ZNF804A: variants seen among roughly 807,000 people sequenced by gnomAD.
ZNF804A encodes zinc finger protein 804A.
A neutral mutation model predicts 16.5 loss-of-function variants in ZNF804A; 2 were observed. The observed-to-expected ratio is 0.12, with a 90% confidence interval of 0.05 to 0.38. The LOEUF is 0.38. ZNF804A is among the 10% of genes least tolerant of loss of function. The pLI is 0.99. For synonymous variants in ZNF804A, 534 were observed against 489.6 expected (o/e 1.09, Z -1.20); for missense variants, 1,473 against 1,390.7 (o/e 1.06, Z -0.94).
chr2:184,691,514 T>C (rs1239151191), intron 1 of ZNF804A, among the ~76,000 whole-genome samples: 1 of 151,690 alleles, frequency 6.6e-6, no homozygotes, highest in Non-Finnish European at 1.5e-5. Context: ...GACAAACTAG[T>C]TTACAAAAGT....
intron 1 of ZNF804A, among the ~76,000 whole-genome samples, chr2:184,864,835 T>C (rs1193959938): frequency 6.6e-6 from 1 of 151,918 alleles, no homozygotes; most frequent in Non-Finnish European, 1.5e-5. Context: ...TAAAAGTGTG[T>C]TTTATAATAG....
At chr2:184,884,422 A>G (rs1359469478) in intron 2 of ZNF804A, among the ~76,000 whole-genome samples, 1 of 152,112 alleles carries the variant, frequency 6.6e-6, no homozygotes, top group Non-Finnish European at 1.5e-5. Context: ...TACCAATGAT[A>G]GTCTTCATAG....
At chr2:184,866,050 G>T (rs1347430652) in intron 1 of ZNF804A, among the ~76,000 whole-genome samples, 2 of 152,160 alleles carry the variant, frequency 1.3e-5, no homozygotes, top group Non-Finnish European at 2.9e-5. Context: ...GTTGAATCAA[G>T]ATAGCTATGT....
At chr2:184,875,755 G>T in intron 2 of ZNF804A, among the ~76,000 whole-genome samples, 1 of 137,668 alleles carries the variant, frequency 7.3e-6, no homozygotes, top group Non-Finnish European at 1.5e-5. Flanking sequence ...CTGAATTTTA[G>T]TCATTGACAT....
intron 2 of ZNF804A, among the ~76,000 whole-genome samples, chr2:184,869,062 G>T (rs571626511): frequency 6.6e-6 from 1 of 152,046 alleles, no homozygotes; most frequent in South Asian, 2.1e-4. Context: ...GTGCTCATTT[G>T]GACATTTCGG....
At chr2:184,812,004 T>C (rs1694909385) in intron 1 of ZNF804A, among the ~76,000 whole-genome samples, 1 of 152,222 alleles carries the variant, frequency 6.6e-6, no homozygotes, top group Admixed American at 6.5e-5. Context: ...TCACTTATTG[T>C]AGTTTGAGTT....
Position 184,818,726 on chromosome 2 carries a change from A to T in ZNF804A, c.112-47643A>T, listed in dbSNP as rs1574226636. Among the ~76,000 whole-genome samples the T allele has an allele frequency of 3.9e-5, 6 of 152,086 alleles. No homozygotes were observed. In the South Asian group the frequency reaches 1.2e-3, roughly 32 times the overall value. On this transcript the variant is annotated intron_variant, in intron 1 of 3. Transcript: ENST00000302277. ...ATAGAGGAAAATTTAGAAGGCAAAT[A>T]AAAAACAAAAAGCAGGAGTTGCAAT...
chr2:184,722,673 T>C (rs1693336685), intron 1 of ZNF804A, among the ~76,000 whole-genome samples: 1 of 152,046 alleles, frequency 6.6e-6, no homozygotes, highest in African/African-American at 2.4e-5. Context: ...ATGAAAGTTA[T>C]AACTTATGGT....
chr2:184,792,362 A>T (rs138692317), intron 1 of ZNF804A, among the ~76,000 whole-genome samples: 142 of 152,312 alleles, frequency 9.3e-4, no homozygotes, highest in African/African-American at 3.3e-3. Flanking sequence ...TTGCCATTCT[A>T]ATAGATGTGT....
chr2:184,930,203 C>T (rs1016439418), intron 2 of ZNF804A, among the ~76,000 whole-genome samples: 1 of 152,032 alleles, frequency 6.6e-6, no homozygotes, highest in African/African-American at 2.4e-5. Flanking sequence ...ACCCTGTATA[C>T]CTAAAATTTA....
intron 1 of ZNF804A, among the ~76,000 whole-genome samples, chr2:184,778,730 C>A (rs1465677779): frequency 6.6e-6 from 1 of 151,600 alleles, no homozygotes; most frequent in Non-Finnish European, 1.5e-5. Flanking sequence ...TACTAAAATT[C>A]ACTGGGTACC....
chr2:184,816,978 C>T (rs1694992810), intron 1 of ZNF804A, among the ~76,000 whole-genome samples: 1 of 151,792 alleles, frequency 6.6e-6, no homozygotes, highest in Admixed American at 6.6e-5. Context: ...GTACTTCAGC[C>T]ATTTAAATTT....
At chr2:184,765,375 C>T (rs1005376363) in intron 1 of ZNF804A, among the ~76,000 whole-genome samples, 1 of 152,112 alleles carries the variant, frequency 6.6e-6, no homozygotes, top group Non-Finnish European at 1.5e-5. Flanking sequence ...AACTAAAAGG[C>T]AGAAATGAAA....
intron 1 of ZNF804A, among the ~76,000 whole-genome samples, chr2:184,861,874 G>A (rs1363830858): frequency 6.6e-6 from 1 of 152,154 alleles, no homozygotes; most frequent in Non-Finnish European, 1.5e-5. Flanking sequence ...CCAAGTTGCT[G>A]TGGTCACCCA....
intron 1 of ZNF804A, among the ~76,000 whole-genome samples, chr2:184,820,848 A>T (rs1458171348): frequency 6.6e-6 from 1 of 152,016 alleles, no homozygotes; most frequent in East Asian, 1.9e-4. Context: ...ACCTAGGAAT[A>T]TAGCTAACAA....
chr2:184,764,378 G>A (rs140069526), intron 1 of ZNF804A, among the ~76,000 whole-genome samples: 9 of 152,120 alleles, frequency 5.9e-5, no homozygotes, highest in Non-Finnish European at 7.4e-5. Context: ...AACCAAACAC[G>A]TTTCAGTATT....
At chr2:184,790,822 C>A (rs892830642) in intron 1 of ZNF804A, among the ~76,000 whole-genome samples, 2 of 152,058 alleles carry the variant, frequency 1.3e-5, no homozygotes, top group Non-Finnish European at 2.9e-5. Flanking sequence ...CCAGGATGGT[C>A]TCGATCTCCT....
chr2:184,939,358 T>A lies in ZNF804A; in HGVS notation c.*332T>A. 5.7e-6 allele frequency: 1 copy of A among 174,586 alleles called. No individual in the cohort carries two copies. The highest frequency in any genetic ancestry group is 1.2e-5 in the Non-Finnish European group (1 of 82,496). The allele number at this position is 174,586 out of a possible 1,614,324, so 10.8% of individuals were successfully genotyped here. A position where few individuals can be genotyped will look rare whatever the true frequency, so the allele number is the denominator to read the frequency against. ...TAAAGTATGCTCCCTTGGTTTTTCT[T>A]AATCTTTGTGTATTTGCACCTATTT... On this transcript the variant is annotated 3_prime_UTR_variant, in exon 4 of 4. Coordinates refer to ENST00000302277, the MANE Select transcript of ZNF804A (RefSeq NM_194250.2).
chr2:184,827,574 T>A (rs1019066641), intron 1 of ZNF804A, among the ~76,000 whole-genome samples: 6 of 150,106 alleles, frequency 4.0e-5, no homozygotes, highest in Non-Finnish European at 7.4e-5. Context: ...CCCATGCTCC[T>A]TTGCTGTCAA....
Sources: allele counts gnomAD v4.1 joint callset (sites outside exome capture counted in the v4.1 genomes callset), GRCh38; gene constraint gnomAD v4.1.1; transcripts MANE v1.5; gene names NCBI Gene and HGNC (gene_info 2026-07-23, HGNC 2026-07-21).